Variants in LRRK1 observed in about 807,000 individuals in gnomAD.
LRRK1 encodes leucine rich repeat kinase 1.
In LRRK1, 113 loss-of-function variants were observed where a neutral mutation model predicts 209.1. The ratio of observed to expected loss-of-function variants is 0.54; its 90% confidence interval spans 0.46 to 0.63. The LOEUF (loss-of-function observed/expected upper bound fraction) is 0.63. Ranked by LOEUF, LRRK1 falls within the 30% of genes least tolerant of loss-of-function variation. The pLI is 0.00. For missense variants in LRRK1, 2,284 were observed against 2,632.2 expected (o/e 0.87, Z 2.89); for synonymous variants, 1,144 against 1,099.7 (o/e 1.04, Z -0.80).
intron 20 of LRRK1, among the ~76,000 whole-genome samples, chr15:101,042,231 G>C (rs28494029): frequency 0.13 from 19,875 of 151,130 alleles, 1,516 homozygotes; most frequent in East Asian, 0.17. Context: ...TTTTAGACAA[G>C]ACTTTTGTTT....
chr15:101,000,920 G>A (rs2032654506), intron 6 of LRRK1, among the ~76,000 whole-genome samples: 2 of 152,130 alleles, frequency 1.3e-5, no homozygotes, highest in African/African-American at 4.8e-5. Context: ...ATTGCCCTTG[G>A]CCTGGATCCA....
intron 2 of LRRK1, among the ~76,000 whole-genome samples, chr15:100,942,357 T>C (rs529973743): frequency 3.9e-5 from 6 of 152,328 alleles, no homozygotes; most frequent in African/African-American, 1.2e-4. Context: ...CTGTTCTTTT[T>C]CTCTTTCTCT....
At chr15:100,973,624 T>TGGGTTGC (rs910106554) in intron 2 of LRRK1, among the ~76,000 whole-genome samples, 180 bp from the exon 3 acceptor site, 1 of 152,082 alleles carries the variant, frequency 6.6e-6, no homozygotes, top group Non-Finnish European at 1.5e-5. Flanking sequence ...CGGCCCCGGT[T>TGGGTTGC]GGGTTGCGGG....
chr15:101,056,795 G>A, intron 27 of LRRK1, 61 bp from the exon 28 acceptor site: 1 of 1,402,650 alleles, frequency 7.1e-7, no homozygotes, highest in Non-Finnish European at 9.6e-7. Context: ...CCACCTGAGG[G>A]CCACCTTGTG....
In LRRK1 at chr15:101,027,374, G is replaced by A; in HGVS notation, c.2519G>A (p.Gly840Glu). The A allele has an allele frequency of 1.9e-6, 3 of 1,613,374 alleles. No homozygotes were observed. The highest frequency in any genetic ancestry group is 2.5e-6 in the Non-Finnish European group (3 of 1,179,974). ...ACCATCGGCTGCCAGCGACTGGCAG[G>A]GCGGCTGGTGGGTACCTTGCTGGTC... ...GSTIGCQRLAGRLIPRSYLSL... is the reference protein window; with the variant it reads ...GSTIGCQRLAERLIPRSYLSL... Residue 840 changes from glycine (G) to glutamate (E), a missense_variant, in exon 18 of 34, where the codon GGG becomes GAG. Transcript: ENST00000388948. The surrounding 1 kb of genome is among the most constrained non-coding windows in gnomAD (Gnocchi z 5.1).
chr15:100,939,731 C>A (rs1364188494), intron 2 of LRRK1, among the ~76,000 whole-genome samples: 2 of 152,124 alleles, frequency 1.3e-5, no homozygotes, highest in African/African-American at 4.8e-5. Flanking sequence ...GAAGAAATTT[C>A]TTCCATTAAC....
chr15:100,987,567 A>G (rs1195078034), intron 4 of LRRK1, among the ~76,000 whole-genome samples: 1 of 152,182 alleles, frequency 6.6e-6, no homozygotes, highest in Admixed American at 6.5e-5. Context: ...ATTATTCATG[A>G]AAGTAATATA....
At chr15:100,998,798 G>A (rs1243215458) in intron 6 of LRRK1, among the ~76,000 whole-genome samples, 1 of 151,786 alleles carries the variant, frequency 6.6e-6, no homozygotes, top group Non-Finnish European at 1.5e-5. Flanking sequence ...ATGGTTACAT[G>A]GTTGCATGGA....
At chr15:100,939,133 G>A (rs1282192985) in intron 2 of LRRK1, among the ~76,000 whole-genome samples, 2 of 152,108 alleles carry the variant, frequency 1.3e-5, no homozygotes, top group Non-Finnish European at 2.9e-5. Context: ...TATCTAGTCA[G>A]TGTTCAAATG....
chr15:100,955,747 A>T (rs574931135), intron 2 of LRRK1, among the ~76,000 whole-genome samples: 2 of 152,170 alleles, frequency 1.3e-5, no homozygotes, highest in South Asian at 4.1e-4. Context: ...TGAGTTCATT[A>T]TATGATTTTT....
intron 24 of LRRK1, among the ~76,000 whole-genome samples, chr15:101,052,471 C>T (rs570888587): frequency 9.9e-5 from 15 of 151,384 alleles, no homozygotes; most frequent in East Asian, 9.7e-4. Context: ...CTTTGTCAAA[C>T]GCTGACTCCT....
At chr15:100,987,905 A>G (rs1391429229) in intron 4 of LRRK1, among the ~76,000 whole-genome samples, 2 of 152,178 alleles carry the variant, frequency 1.3e-5, no homozygotes, top group African/African-American at 4.8e-5. Flanking sequence ...AAAATACCAC[A>G]ATGCTGGGGT....
chr15:100,937,919 C>T (rs748843718), intron 2 of LRRK1, among the ~76,000 whole-genome samples: 7 of 152,234 alleles, frequency 4.6e-5, no homozygotes, highest in Admixed American at 2.6e-4. Context: ...GGCGACCTCT[C>T]GGCTCACTAC....
Position 101,016,457 on chromosome 15 carries a change from A to G in LRRK1, c.1609+1055A>G, listed in dbSNP as rs536882719. 2.4e-3 allele frequency among the ~76,000 whole-genome samples: 348 copies of G among 143,772 alleles called. 2 individuals are homozygous for G. The highest frequency in any genetic ancestry group is 2.2e-3 in the Non-Finnish European group (147 of 66,148). The allele number at this position is 143,772 out of a possible 152,430, so 94.3% of individuals were successfully genotyped here. A position where few individuals can be genotyped will look rare whatever the true frequency, so the allele number is the denominator to read the frequency against. On this transcript the variant is annotated intron_variant, in intron 12 of 33. Coordinates refer to ENST00000388948, the MANE Select transcript of LRRK1 (RefSeq NM_024652.6). Reference sequence around the variant, plus strand: ...TGCCTCAGCCTCCCAAAGTGCTGGGATTACAGGTGTGAGCCACCACGCCCG... The same window carrying G: ...TGCCTCAGCCTCCCAAAGTGCTGGGGTTACAGGTGTGAGCCACCACGCCCG...
At position 101,021,175 on chromosome 15, in the gene LRRK1, T is replaced by A. The variant is rs2033766607; in HGVS notation, c.1732T>A (p.Leu578Met). 1.2e-6 allele frequency: 2 copies of A among 1,613,848 alleles called. No homozygotes were observed. Among genetic ancestry groups the A allele is most frequent in the African/African-American group, 2.7e-5 (2 of 74,880 alleles). Residue 578 changes from leucine to methionine, a missense_variant, in exon 13 of 34, where the codon TTG becomes ATG. Transcript: ENST00000388948. ...CLLKSLSELY[L>M]GNNPGLRELP... ...ACTGAAGAGCTTATCAGAGCTCTAC[T>A]TGGGAAAGTAAGTACACATCTGGAG...
intron 20 of LRRK1, among the ~76,000 whole-genome samples, chr15:101,031,365 T>C (rs752982199): frequency 1.4e-4 from 22 of 152,212 alleles, no homozygotes; most frequent in Non-Finnish European, 3.2e-4. Context: ...AGTCACGCAA[T>C]ATGGTCTCTA....
Position 101,022,308 on chromosome 15 carries a change from C to G in LRRK1, c.1853-75C>G. 1 of 1,405,126 alleles carries G rather than the reference C, an allele frequency of 7.1e-7. No homozygotes were observed. The highest frequency in any genetic ancestry group is 1.0e-6 in the Non-Finnish European group (1 of 997,760). 87.0% of individuals were successfully genotyped at this position (1,405,126 alleles called of 1,614,324 possible). On this transcript the variant is annotated intron_variant, in intron 14 of 33. Coordinates refer to ENST00000388948, the MANE Select transcript of LRRK1 (RefSeq NM_024652.6). The surrounding 1 kb of genome is among the most constrained non-coding windows in gnomAD (Gnocchi z 4.0). ...AAAACACAAAGAAGGAGTTCCTTCA[C>G]AACAGGATTTTGTGTCCTAAGAGAT... is the stretch of plus-strand genomic sequence containing the variant.
intron 23 of LRRK1, among the ~76,000 whole-genome samples, 171 bp downstream of exon 23, chr15:101,049,954 C>G (rs1376911099): frequency 6.6e-6 from 1 of 152,122 alleles, no homozygotes; most frequent in Non-Finnish European, 1.5e-5. Context: ...AAGTCCAGCT[C>G]TGTCACTGGG....
intron 6 of LRRK1, among the ~76,000 whole-genome samples, chr15:101,006,180 G>A (rs2032941827): frequency 6.6e-6 from 1 of 152,122 alleles, no homozygotes; most frequent in South Asian, 2.1e-4. Context: ...GCCCCGGGTG[G>A]GGTTTAGTGG....
Sources: allele counts gnomAD v4.1 joint callset (sites outside exome capture counted in the v4.1 genomes callset), GRCh38; gene constraint gnomAD v4.1.1; non-coding constraint Gnocchi (gnomAD v3.1); transcripts MANE v1.5; gene names NCBI Gene and HGNC (gene_info 2026-07-23, HGNC 2026-07-21).